ORC5: variants seen among roughly 807,000 people sequenced by gnomAD.
ORC5 encodes protein phosphatase 1, regulatory subunit 117.
A neutral mutation model predicts 58.8 loss-of-function variants in ORC5; 39 were observed. That is an observed-to-expected ratio of 0.66 (90% CI 0.51 to 0.87). The LOEUF is 0.87. Among genes scored for constraint, ORC5 ranks in the 40% least tolerant of loss-of-function variants. The probability of loss-of-function intolerance (pLI) is 0.00; values close to 1 mark genes in which losing one functional copy is unlikely to be tolerated. For synonymous variants in ORC5, 218 were observed against 177.6 expected (o/e 1.23, Z -1.81); for missense variants, 493 against 506.3 (o/e 0.97, Z 0.25).
In ORC5 at chr7:104,172,982, T is replaced by TAA. The variant is rs57266058; in HGVS notation, c.825-4459_825-4458dup. On this transcript the variant is annotated intron_variant, in intron 8 of 13. Coordinates refer to ENST00000297431, the MANE Select transcript of ORC5 (RefSeq NM_002553.4). ...CTGACTTTCCTATAGCTTTCCAGGT[T>TAA]AAAAAAAAAAAAAAAGGCTTTGTTA... 2.9e-3 allele frequency among the ~76,000 whole-genome samples: 417 copies of TAA among 142,908 alleles called. 1 individual carries two copies. The highest frequency in any genetic ancestry group is 8.3e-3 in the South Asian group (37 of 4,432). 93.8% of individuals were successfully genotyped at this position (142,908 alleles called of 152,430 possible). A position where few individuals can be genotyped will look rare whatever the true frequency, so the allele number is the denominator to read the frequency against.
chr7:104,202,570 CAT>C (rs1278434958), intron 2 of ORC5: 4 of 455,726 alleles, frequency 8.8e-6, no homozygotes, highest in African/African-American at 2.0e-5. Context: ...TAACAATAAT[CAT>C]ATATTACACT....
intron 3 of ORC5, 146 bp from the exon 4 acceptor site, chr7:104,197,945 A>G: frequency 1.9e-6 from 1 of 540,158 alleles, no homozygotes; most frequent in Non-Finnish European, 3.2e-6. Context: ...TGCATAAAAG[A>G]TGATTAAGTC....
intron 12 of ORC5, among the ~76,000 whole-genome samples, chr7:104,137,571 C>T (rs1013963253): frequency 8.5e-5 from 13 of 152,060 alleles, no homozygotes; most frequent in Admixed American, 5.9e-4. Context: ...ATAAAAACCC[C>T]GAGACCCTAG....
At chr7:104,153,195 C>T (rs1392987569) in intron 12 of ORC5, among the ~76,000 whole-genome samples, 1 of 152,188 alleles carries the variant, frequency 6.6e-6, no homozygotes, top group Admixed American at 6.5e-5. Context: ...GTTAACTTTA[C>T]TCTTTGCAAA....
At chr7:104,149,737 C>T (rs10262996) in intron 12 of ORC5, among the ~76,000 whole-genome samples, 8,597 of 152,212 alleles carry the variant, frequency 0.056, 799 homozygotes, top group African/African-American at 0.2. Context: ...CATACATCAG[C>T]AGCATTCTGA....
In ORC5 at chr7:104,189,692, C is replaced by A. The variant is rs539699488; in HGVS notation, c.554-1311G>T. 4.6e-5 allele frequency among the ~76,000 whole-genome samples: 7 copies of A among 152,084 alleles called. No individual in the cohort carries two copies. The South Asian group carries it at 1.5e-3, about 32-fold the overall frequency. On this transcript the variant is annotated intron_variant, in intron 5 of 13. Coordinates refer to ENST00000297431, the MANE Select transcript of ORC5 (RefSeq NM_002553.4). ...GCTGAGAGGGTAGCACACTCCAGCC[C>A]CACAGGGACAGAAGCTCCTGAGCTT... is the stretch of plus-strand genomic sequence containing the variant.
chr7:104,142,813 T>C (rs1185723532), intron 12 of ORC5, among the ~76,000 whole-genome samples: 3 of 152,140 alleles, frequency 2.0e-5, no homozygotes, highest in African/African-American at 7.2e-5. Flanking sequence ...GATTAATTGT[T>C]TGACACCTTT....
chr7:104,181,832 G>GT (rs1799440462), intron 8 of ORC5, among the ~76,000 whole-genome samples: 4 of 151,778 alleles, frequency 2.6e-5, no homozygotes, highest in Admixed American at 1.3e-4. Context: ...GAATTGCCTG[G>GT]TTTCAAGGAT....
chr7:104,170,087 A>C (rs185418757), intron 8 of ORC5, among the ~76,000 whole-genome samples: 90 of 152,314 alleles, frequency 5.9e-4, no homozygotes, highest in African/African-American at 2.1e-3. Flanking sequence ...ACTGAACATA[A>C]AATTATTTGG....
intron 8 of ORC5, among the ~76,000 whole-genome samples, chr7:104,179,004 A>G (rs1799379260): frequency 6.6e-6 from 1 of 152,204 alleles, no homozygotes; most frequent in African/African-American, 2.4e-5. Flanking sequence ...AATTTAAGAA[A>G]ACAGAAACAT....
intron 4 of ORC5, among the ~76,000 whole-genome samples, chr7:104,196,475 T>C (rs1307252508): frequency 1.3e-5 from 2 of 152,190 alleles, no homozygotes; most frequent in African/African-American, 2.4e-5. Context: ...ACTTCCAGAA[T>C]AGGCCACCAA....
intron 8 of ORC5, 139 bp from the exon 9 acceptor site, chr7:104,168,664 A>ATTTTTTTTTTTTTTTTTTTTTTT: frequency 4.1e-6 from 2 of 488,734 alleles, no homozygotes; most frequent in Non-Finnish European, 3.6e-6. Flanking sequence ...TGCAATAAAC[A>ATTTTTTTTTTTTTTTTTTTTTTT]TGTTTGTACC....
rs1016476917 is a variant in ORC5 at position 104,126,494 on chromosome 7, G to A, written c.*354C>T. 8 of 189,590 alleles carry A rather than the reference G, an allele frequency of 4.2e-5. No homozygotes were observed. The highest frequency in any genetic ancestry group is 9.3e-5 in the African/African-American group (4 of 43,188). 11.7% of individuals were successfully genotyped at this position (189,590 alleles called of 1,614,324 possible). A position where few individuals can be genotyped will look rare whatever the true frequency, so the allele number is the denominator to read the frequency against. On this transcript the variant is annotated 3_prime_UTR_variant, in exon 14 of 14. Coordinates refer to ENST00000297431, the MANE Select transcript of ORC5 (RefSeq NM_002553.4). Reference sequence around the variant, plus strand: ...GCATATAAACAAGGGCTGCTGGCACGTTCAAAGCGCAGGGGATAGTTCACA... The same window carrying A: ...GCATATAAACAAGGGCTGCTGGCACATTCAAAGCGCAGGGGATAGTTCACA...
At chr7:104,182,439 T>C (rs1009426782) in intron 8 of ORC5, among the ~76,000 whole-genome samples, 2 of 152,130 alleles carry the variant, frequency 1.3e-5, no homozygotes, top group African/African-American at 2.4e-5. Context: ...GCTGGTAAGT[T>C]GACAGAACCT....
At chr7:104,175,578 G>C (rs1236963452) in intron 8 of ORC5, among the ~76,000 whole-genome samples, 1 of 152,218 alleles carries the variant, frequency 6.6e-6, no homozygotes, top group Non-Finnish European at 1.5e-5. Context: ...GTTAATTTAA[G>C]AGTTGGATGT....
chr7:104,183,427 G>A (rs558082355), intron 8 of ORC5, among the ~76,000 whole-genome samples: 1 of 152,188 alleles, frequency 6.6e-6, no homozygotes, highest in South Asian at 2.1e-4. Context: ...CAATGATTTT[G>A]GAGAAAAATC....
At chr7:104,142,119 C>A (rs1335346112) in intron 12 of ORC5, among the ~76,000 whole-genome samples, 5 of 151,968 alleles carry the variant, frequency 3.3e-5, no homozygotes, top group Non-Finnish European at 7.4e-5. Context: ...GACAAGGGTA[C>A]CAAAAATACA....
chr7:104,196,655 T>G (rs1285298556), intron 4 of ORC5, among the ~76,000 whole-genome samples: 2 of 152,174 alleles, frequency 1.3e-5, no homozygotes, highest in African/African-American at 4.8e-5. Flanking sequence ...CAGAAATGCT[T>G]TAAGCACTTC....
At chr7:104,190,148 G>A (rs10235130) in intron 5 of ORC5, among the ~76,000 whole-genome samples, 15,334 of 151,394 alleles carry the variant, frequency 0.1, 2,556 homozygotes, top group African/African-American at 0.35. Context: ...TTGAAACTGA[G>A]GGTAAAAAAA....
Sources: allele counts gnomAD v4.1 joint callset (sites outside exome capture counted in the v4.1 genomes callset), GRCh38; gene constraint gnomAD v4.1.1; transcripts MANE v1.5; gene names NCBI Gene and HGNC (gene_info 2026-07-23, HGNC 2026-07-21).